NEK2: variants seen among roughly 807,000 people sequenced by gnomAD.
NEK2 encodes the protein NIMA related kinase 2.
Under a neutral mutation model 54.1 loss-of-function variants are expected in NEK2, and 28 were observed. The observed-to-expected ratio is 0.52, with a 90% CI of 0.38 to 0.71. The LOEUF (loss-of-function observed/expected upper bound fraction) is 0.71. NEK2 is among the 30% of genes least tolerant of loss of function. The pLI, the probability that NEK2 is intolerant of heterozygous loss-of-function variation, is 0.00. For missense variants in NEK2, 407 were observed against 531.5 expected (o/e 0.77, Z 2.30); for synonymous variants, 176 against 193.1 (o/e 0.91, Z 0.73).
chr1:211,665,118 C>T (rs1288451352), intron 7 of NEK2, among the ~76,000 whole-genome samples: 1 of 152,240 alleles, frequency 6.6e-6, no homozygotes, highest in Admixed American at 6.5e-5. Context: ...AAAAAAGACA[C>T]TGCTGCTTGC....
chr1:211,658,688 C>A, downstream of NEK2: 1 of 336,138 alleles, frequency 3.0e-6, no homozygotes, highest in Non-Finnish European at 5.6e-6. Context: ...CCACTGCATT[C>A]CAGCCTGGGC....
At chr1:211,674,151 G>T in intron 2 of NEK2, 145 bp downstream of exon 2, 1 of 647,122 alleles carries the variant, frequency 1.5e-6, no homozygotes, top group Non-Finnish European at 2.6e-6. Flanking sequence ...TATGGGTGTT[G>T]ATTCACCAGG....
At chr1:211,661,006 T>C, downstream of NEK2, 1 of 741,148 alleles carries the variant, frequency 1.3e-6, no homozygotes, top group East Asian at 2.5e-5. Flanking sequence ...CAGGGCCCGC[T>C]GGAAACTATC....
At chr1:211,658,620 T>G (rs1218095073), downstream of NEK2, 1 of 439,528 alleles carries the variant, frequency 2.3e-6, no homozygotes, top group Non-Finnish European at 4.5e-6. Context: ...CACAGGAGGC[T>G]GAAGTGGGAG....
chr1:211,659,913 C>T (rs995372166), downstream of NEK2, among the ~76,000 whole-genome samples: 5 of 150,866 alleles, frequency 3.3e-5, no homozygotes, highest in Non-Finnish European at 2.9e-5. Context: ...CCTCCACCTC[C>T]CGGGCTCAGA....
intron 5 of NEK2, 52 bp downstream of exon 5, chr1:211,670,229 G>C (rs1655328143): frequency 6.5e-7 from 1 of 1,548,544 alleles, no homozygotes; most frequent in African/African-American, 1.4e-5. Context: ...TGTATGCTCT[G>C]ACACTTAACT....
chr1:211,660,408 G>A, downstream of NEK2: 1 of 692,124 alleles, frequency 1.4e-6, no homozygotes, highest in Non-Finnish European at 2.7e-6. Context: ...TCAGGATCTG[G>A]TACTGTTTTG....
At chr1:211,666,374 T>TCATG (rs1226161506) in intron 7 of NEK2, 8 of 393,286 alleles carry the variant, frequency 2.0e-5, no homozygotes, top group Non-Finnish European at 2.4e-5. Context: ...AGGTGGCTTA[T>TCATG]CATGCCTTTT....
intron 4 of NEK2, 29 bp from the exon 5 acceptor site, chr1:211,670,436 C>T (rs774730403): frequency 3.6e-5 from 57 of 1,587,546 alleles, no homozygotes; most frequent in Non-Finnish European, 4.4e-5. Flanking sequence ...AAGAAGACGA[C>T]GAAGACATTT....
chr1:211,666,485 T>C (rs1179499221), intron 7 of NEK2: 33 of 979,502 alleles, frequency 3.4e-5, no homozygotes, highest in Non-Finnish European at 3.6e-5. Context: ...ATACAATAGT[T>C]TTGTAAATGC....
At chr1:211,675,341 G>T (rs1303062587) in intron 1 of NEK2, 43 bp downstream of exon 1, 3 of 1,582,066 alleles carry the variant, frequency 1.9e-6, no homozygotes, top group South Asian at 1.1e-5. Context: ...CCGAGGCGAC[G>T]AAACCTAAGC....
At chr1:211,669,519 C>T in intron 5 of NEK2, 187 bp from the exon 6 acceptor site, 1 of 597,844 alleles carries the variant, frequency 1.7e-6, no homozygotes, top group South Asian at 2.1e-5. Context: ...TCTGGGTCCA[C>T]AAGGTAATGC....
intron 7 of NEK2, among the ~76,000 whole-genome samples, chr1:211,665,490 C>T (rs974725688): frequency 2.0e-5 from 3 of 152,096 alleles, no homozygotes; most frequent in Admixed American, 6.6e-5. Context: ...ACTCTTTAAC[C>T]GAACAGCCAT....
chr1:211,665,991 T>C (rs556820927), intron 7 of NEK2, among the ~76,000 whole-genome samples: 1 of 152,354 alleles, frequency 6.6e-6, no homozygotes, highest in South Asian at 2.1e-4. Context: ...AAAATTCAGA[T>C]GCTCGATTTT....
Position 211,667,135 on chromosome 1 carries a change from C to A in NEK2, c.1082G>T (p.Arg361Leu). ...LLKNYSLLKE[R>L]KFLSLASNPE... The stretch of plus-strand genomic sequence containing the variant: ...ATTACTTGCCAGAGACAGGAACTTC[C>A]GTTCCTTTAGCAAGCTGTAGTTCTT... Residue 361 changes from arginine (R) to leucine (L), a missense_variant, in exon 7 of 8, where the codon CGG (arginine) becomes CTG (leucine). Coordinates refer to ENST00000366999, the MANE Select transcript of NEK2 (RefSeq NM_002497.4). 1 of 1,613,690 alleles carries A rather than the reference C, an allele frequency of 6.2e-7. No homozygotes were observed. Among genetic ancestry groups the A allele is most frequent in the Non-Finnish European group, 8.5e-7 (1 of 1,179,826 alleles).
At chr1:211,666,656 G>A (rs1244688668) in intron 7 of NEK2, 6 of 270,434 alleles carry the variant, frequency 2.2e-5, no homozygotes, top group East Asian at 1.8e-4. Flanking sequence ...AAAATTAGCC[G>A]GGCTTGGTGG....
chr1:211,666,936 T>C lies in NEK2; in HGVS notation c.1111+170A>G, dbSNP rs1542140. On this transcript the variant is annotated intron_variant, in intron 7 of 7. Coordinates refer to ENST00000366999, the MANE Select transcript of NEK2 (RefSeq NM_002497.4). ...GTCTATGAACCCAGGAAATAAATCA[T>C]TGCTATAACAGAATTTTGTTTCCAT... 0.26 allele frequency: 362,857 copies of C among 1,416,554 alleles called. 48,675 individuals carry two copies. The highest frequency in any genetic ancestry group is 0.47 in the East Asian group (17,726 of 37,400). 87.7% of individuals were successfully genotyped at this position (1,416,554 alleles called of 1,614,324 possible).
chr1:211,672,529 C>A (rs1002755537), intron 3 of NEK2, among the ~76,000 whole-genome samples: 1 of 151,544 alleles, frequency 6.6e-6, no homozygotes, highest in Non-Finnish European at 1.5e-5. Context: ...CTGAAGTGAG[C>A]AAACTTCCTG....
rs773890490 is a variant in NEK2, at chr1:211,669,320, G to A, written c.778C>T (p.Pro260Ser). ...RMLNLKDYHRPSVEEILENPL... is the reference protein window; with the variant it reads ...RMLNLKDYHRSSVEEILENPL... ...TTCTCAAGAATTTCTTCAACAGAAG[G>A]TCGATGGTAATCCTGGGGAAAAAAT... Residue 260 changes from proline to serine, a missense_variant, in exon 6 of 8, where the codon CCT becomes TCT. Physicochemically the swap from Pro to Ser is moderately conservative, Grantham distance 74 (BLOSUM62 -1). Transcript: ENST00000366999. 7 of 1,614,072 alleles carry A rather than the reference G, an allele frequency of 4.3e-6. No homozygotes were observed. The highest frequency in any genetic ancestry group is 5.9e-6 in the Non-Finnish European group (7 of 1,179,986).
Sources: gnomAD v4.1 joint callset for allele counts (sites outside exome capture counted in the v4.1 genomes callset) on GRCh38, gnomAD v4.1.1 for gene constraint, MANE v1.5 for transcripts, NCBI Gene and HGNC (gene_info 2026-07-23, HGNC 2026-07-21) for gene names.